PDE8A: variants seen among roughly 807,000 people sequenced by gnomAD.
The protein encoded by PDE8A is phosphodiesterase 8A.
In PDE8A, 59 loss-of-function variants were observed where a neutral mutation model predicts 105.0. That is an observed-to-expected ratio of 0.56 (90% confidence interval 0.46 to 0.70). The LOEUF is 0.70. Ranked by LOEUF, PDE8A falls within the 30% of genes least tolerant of loss-of-function variation. The pLI is 0.00. For synonymous variants in PDE8A, 355 were observed against 371.9 expected (o/e 0.95, Z 0.52); for missense variants, 1,014 against 1,045.9 (o/e 0.97, Z 0.42).
rs561970930 is a variant in PDE8A at position 85,014,666 on chromosome 15, A to G, written c.186+32318A>G. ...ATATATTTATACCCCTTTTAGAGAAATGGTGGCATACTGTACATAGTACTC... is the reference window on the plus strand; with the variant it reads ...ATATATTTATACCCCTTTTAGAGAAGTGGTGGCATACTGTACATAGTACTC... On this transcript the variant is annotated intron_variant, in intron 1 of 21. Transcript: ENST00000394553. Among the ~76,000 whole-genome samples the G allele has an allele frequency of 2.0e-5, 3 of 152,314 alleles. No individual in the cohort carries two copies. The South Asian group carries it at 6.2e-4, about 32-fold the overall frequency.
intron 17 of PDE8A, among the ~76,000 whole-genome samples, chr15:85,118,266 C>T (rs914342900): frequency 1.3e-5 from 2 of 152,140 alleles, no homozygotes; most frequent in African/African-American, 4.8e-5. Context: ...CCAGGGTTAT[C>T]TACCTAATCC....
In PDE8A at chr15:85,126,312, T is replaced by C; in HGVS notation, c.2191T>C (p.Cys731Arg). ...LIKCADVSNPCRPLQYCIEWA... is the reference protein window; with the variant it reads ...LIKCADVSNPRRPLQYCIEWA... ...TAAATGTGCTGATGTGTCCAATCCC[T>C]GCCGACCCCTGCAGTACTGCATCGA... Residue 731 changes from cysteine (C) to arginine (R), a missense_variant, in exon 20 of 22, where the codon TGC becomes CGC. Cys to Arg is a radical substitution (Grantham distance 180). Transcript: ENST00000394553. The C allele has an allele frequency of 6.2e-7, 1 of 1,613,262 alleles. No homozygotes were observed. Among genetic ancestry groups the C allele is most frequent in the Non-Finnish European group, 8.5e-7 (1 of 1,179,680 alleles).
chr15:85,002,772 A>G (rs924965907), intron 1 of PDE8A, among the ~76,000 whole-genome samples: 13 of 152,326 alleles, frequency 8.5e-5, no homozygotes, highest in African/African-American at 2.9e-4. Flanking sequence ...GCTTTCCACA[A>G]ATCACCTCAT....
chr15:85,072,054 G>T (rs2081319508), intron 3 of PDE8A, among the ~76,000 whole-genome samples: 1 of 152,174 alleles, frequency 6.6e-6, no homozygotes, highest in African/African-American at 2.4e-5. Flanking sequence ...CGCATTAACA[G>T]AATTAAAATC....
In PDE8A at chr15:85,009,106, AGAGAGTGT is replaced by A. The variant is rs1266854133; in HGVS notation, c.186+26760_186+26767del. On this transcript the variant is annotated intron_variant, in intron 1 of 21. Transcript: ENST00000394553. ...GTTAGTGTGTGAGAGAGAGAGAGAG[AGAGAGTGT>A]GTGTGTGTGTGTGTGTGTGTGTGTG... Among the ~76,000 whole-genome samples, 131 of 25,974 alleles carry A rather than the reference AGAGAGTGT, an allele frequency of 5.0e-3. 1 individual carries two copies. The highest frequency in any genetic ancestry group is 0.014 in the Admixed American group (38 of 2,628). The allele number at this position is 25,974 out of a possible 152,430, so 17.0% of individuals were successfully genotyped here.
intron 20 of PDE8A, among the ~76,000 whole-genome samples, chr15:85,131,469 C>A (rs1057114777): frequency 6.6e-6 from 1 of 152,160 alleles, no homozygotes; most frequent in Non-Finnish European, 1.5e-5. Flanking sequence ...ATAGGACAAC[C>A]TAAAGTTACA....
At chr15:85,112,015 A>G (rs559860145) in intron 12 of PDE8A, among the ~76,000 whole-genome samples, 54 of 152,086 alleles carry the variant, frequency 3.6e-4, no homozygotes, top group Non-Finnish European at 7.2e-4. Context: ...ATTTTTGTAT[A>G]TTGACTTTGT....
At chr15:85,023,198 A>G (rs2080457550) in intron 1 of PDE8A, among the ~76,000 whole-genome samples, 1 of 152,188 alleles carries the variant, frequency 6.6e-6, no homozygotes, top group South Asian at 2.1e-4. Flanking sequence ...TAGCAGGTAC[A>G]CGTCTTGAGG....
intron 5 of PDE8A, among the ~76,000 whole-genome samples, chr15:85,081,973 T>G (rs969148224): frequency 6.6e-6 from 1 of 152,070 alleles, no homozygotes; most frequent in African/African-American, 2.4e-5. Context: ...TCCACAGCCC[T>G]CACATCCCAG....
intron 20 of PDE8A, among the ~76,000 whole-genome samples, chr15:85,134,536 G>A (rs555486043): frequency 4.4e-4 from 21 of 48,234 alleles, no homozygotes; most frequent in South Asian, 8.4e-4. Flanking sequence ...CTGGGCCAGC[G>A]TTCCCCACTC....
chr15:85,014,204 T>C (rs1334521200), intron 1 of PDE8A, among the ~76,000 whole-genome samples: 1 of 152,058 alleles, frequency 6.6e-6, no homozygotes, highest in Non-Finnish European at 1.5e-5. Flanking sequence ...TGGAGTGCAG[T>C]GGCATGATAA....
At chr15:85,095,181 G>A (rs2081722838) in intron 8 of PDE8A, among the ~76,000 whole-genome samples, 1 of 152,080 alleles carries the variant, frequency 6.6e-6, no homozygotes, top group Admixed American at 6.6e-5. Context: ...AGCTTGGCCT[G>A]GAGAAAGAGG....
intron 1 of PDE8A, among the ~76,000 whole-genome samples, chr15:85,052,041 C>A (rs1387837141): frequency 1.3e-5 from 2 of 151,306 alleles, no homozygotes; most frequent in Non-Finnish European, 2.9e-5. Context: ...TCTCATTGTT[C>A]AATTCCCACC....
At chr15:84,988,116 C>A (rs572482707) in intron 1 of PDE8A, among the ~76,000 whole-genome samples, 1 of 152,136 alleles carries the variant, frequency 6.6e-6, no homozygotes, top group African/African-American at 2.4e-5. Context: ...TCCTTTCAAC[C>A]CTGTGAGGTG....
chr15:85,083,792 T>C, intron 6 of PDE8A, 148 bp downstream of exon 6: 8 of 593,356 alleles, frequency 1.3e-5, no homozygotes, highest in South Asian at 4.2e-5. Flanking sequence ...GTACAGACTT[T>C]CTGGAGTCTG....
intron 11 of PDE8A, among the ~76,000 whole-genome samples, chr15:85,102,868 A>G (rs1270203052): frequency 6.6e-6 from 1 of 150,852 alleles, no homozygotes; most frequent in Non-Finnish European, 1.5e-5. Flanking sequence ...ATACCACTGT[A>G]AAGTAGGTAT....
intron 1 of PDE8A, among the ~76,000 whole-genome samples, chr15:84,993,175 G>A (rs543529856): frequency 2.6e-5 from 4 of 152,188 alleles, no homozygotes; most frequent in East Asian, 1.9e-4. Flanking sequence ...TGGGCGTGGT[G>A]GCTCATGCCT....
chr15:85,075,336 A>G (rs1293763406), intron 3 of PDE8A, among the ~76,000 whole-genome samples: 6 of 152,162 alleles, frequency 3.9e-5, no homozygotes, highest in Non-Finnish European at 7.4e-5. Flanking sequence ...CGATTACAAT[A>G]TCTTGCATTT....
intron 1 of PDE8A, among the ~76,000 whole-genome samples, chr15:85,009,090 TG>T (rs370416182): frequency 3.2e-4 from 48 of 147,920 alleles, no homozygotes; most frequent in East Asian, 2.4e-3. Context: ...TGTTAGTGTG[TG>T]AGAGAGAGAG....
Sources: gnomAD v4.1 joint callset for allele counts (sites outside exome capture counted in the v4.1 genomes callset) on GRCh38, gnomAD v4.1.1 for gene constraint, MANE v1.5 for transcripts, NCBI Gene and HGNC (gene_info 2026-07-23, HGNC 2026-07-21) for gene names.